Variants in KPNA3 observed in about 807,000 individuals in gnomAD.
The protein encoded by KPNA3 is importin subunit alpha-4.
In KPNA3, 13 loss-of-function variants were observed where a neutral mutation model predicts 73.8. The ratio of observed to expected loss-of-function variants is 0.18; its 90% CI spans 0.11 to 0.28. KPNA3 has a LOEUF of 0.28. KPNA3 is among the 10% of genes least tolerant of loss of function. KPNA3 has a pLI of 1.00. For synonymous variants in KPNA3, 186 were observed against 206.9 expected, an observed-to-expected ratio of 0.90 and a Z score of 0.87; for missense variants, 360 against 618.1, an observed-to-expected ratio of 0.58 and a Z score of 4.43.
Position 49,788,741 on chromosome 13 carries a change from A to ATTTT in KPNA3, c.69+3696_69+3697insAAAA, listed in dbSNP as rs1222157637. On this transcript the variant is annotated intron_variant, in intron 1 of 16. Coordinates refer to ENST00000261667, the MANE Select transcript of KPNA3 (RefSeq NM_002267.4). ...TCTTTTTTTTTTTTTTTTTTTTTAAAAAAAAAAAGCACATTCCAGAACAAA... is the reference window on the plus strand; with the variant it reads ...TCTTTTTTTTTTTTTTTTTTTTTAAATTTTAAAAAAAAGCACATTCCAGAACAAA... Among the ~76,000 whole-genome samples the ATTTT allele has an allele frequency of 0.04, 4,929 of 122,882 alleles. 367 individuals are homozygous for ATTTT. The East Asian group carries it at 0.44, about 11-fold the overall frequency. The allele number at this position is 122,882 out of a possible 152,430, so 80.6% of individuals were successfully genotyped here.
intron 10 of KPNA3, among the ~76,000 whole-genome samples, chr13:49,715,570 T>C (rs1361700636): frequency 6.6e-6 from 1 of 151,974 alleles, no homozygotes; most frequent in Non-Finnish European, 1.5e-5. Flanking sequence ...CACTACATAA[T>C]AGATAAAGGA....
intron 6 of KPNA3, among the ~76,000 whole-genome samples, chr13:49,727,468 GA>G (rs919174011): frequency 4.7e-5 from 7 of 148,338 alleles, no homozygotes; most frequent in African/African-American, 1.7e-4. Context: ...AAAAAAGAAA[GA>G]AAAAAGAGAA....
intron 1 of KPNA3, among the ~76,000 whole-genome samples, chr13:49,789,605 T>G (rs928583017): frequency 6.6e-6 from 1 of 152,242 alleles, no homozygotes; most frequent in Non-Finnish European, 1.5e-5. Context: ...CTCACTGTTT[T>G]GGAACAGCCT....
chr13:49,718,837 T>C (rs975600430), intron 10 of KPNA3, among the ~76,000 whole-genome samples: 2 of 152,206 alleles, frequency 1.3e-5, no homozygotes, highest in African/African-American at 4.8e-5. Context: ...ACAATTTTTA[T>C]ATACAAATTA....
At chr13:49,747,896 T>C (rs907722832) in intron 1 of KPNA3, among the ~76,000 whole-genome samples, 4 of 152,152 alleles carry the variant, frequency 2.6e-5, no homozygotes, top group Non-Finnish European at 5.9e-5. Flanking sequence ...ATCCTTCCCA[T>C]CCTGTAGTCT....
intron 1 of KPNA3, among the ~76,000 whole-genome samples, chr13:49,783,330 A>G (rs1954956177): frequency 6.6e-6 from 1 of 152,194 alleles, no homozygotes; most frequent in Non-Finnish European, 1.5e-5. Context: ...ATGCTGTAAG[A>G]AAATTTTTCT....
chr13:49,750,654 A>C (rs1228436600), intron 1 of KPNA3, among the ~76,000 whole-genome samples: 1 of 151,924 alleles, frequency 6.6e-6, no homozygotes, highest in African/African-American at 2.4e-5. Flanking sequence ...AAGGTTTGCC[A>C]GCACCTGGTC....
intron 12 of KPNA3, among the ~76,000 whole-genome samples, chr13:49,708,302 C>A (rs949915952): frequency 6.6e-6 from 1 of 151,790 alleles, no homozygotes; most frequent in South Asian, 2.1e-4. Context: ...GCCAACTAAA[C>A]GTAAATTTAA....
intron 2 of KPNA3, among the ~76,000 whole-genome samples, chr13:49,735,974 C>A (rs1324213700): frequency 6.6e-6 from 1 of 152,170 alleles, no homozygotes; most frequent in African/African-American, 2.4e-5. Flanking sequence ...CAATTCTATA[C>A]CTAAACTTGT....
chr13:49,741,655 C>T (rs1326436892), intron 2 of KPNA3, among the ~76,000 whole-genome samples: 2 of 152,082 alleles, frequency 1.3e-5, no homozygotes, highest in Non-Finnish European at 2.9e-5. Context: ...GGGTTTCACC[C>T]GTGTTACCCA....
Position 49,768,515 on chromosome 13 carries a change from C to T in KPNA3, c.70-21522G>A, listed in dbSNP as rs896037387. On this transcript the variant is annotated intron_variant, in intron 1 of 16. Coordinates refer to ENST00000261667, the MANE Select transcript of KPNA3 (RefSeq NM_002267.4). The stretch of plus-strand genomic sequence containing the variant: ...ATGGTATTTTTGTTTTTGATCATCT[C>T]GTTTGTTTTTTATTTCTCTTCCTGC... Among the ~76,000 whole-genome samples, 4 of 140,186 alleles carry T rather than the reference C, an allele frequency of 2.9e-5. No individual in the cohort carries two copies. The South Asian group carries it at 6.7e-4, about 24-fold the overall frequency. 92.0% of individuals were successfully genotyped at this position (140,186 alleles called of 152,430 possible). A position where few individuals can be genotyped will look rare whatever the true frequency, so the allele number is the denominator to read the frequency against.
chr13:49,721,855 A>T, intron 9 of KPNA3, 100 bp downstream of exon 9: 1 of 765,258 alleles, frequency 1.3e-6, no homozygotes, highest in Non-Finnish European at 1.9e-6. Flanking sequence ...CACACCTGCA[A>T]TGAAATCAGT....
At chr13:49,740,168 G>T (rs1023989535) in intron 2 of KPNA3, among the ~76,000 whole-genome samples, 1 of 151,706 alleles carries the variant, frequency 6.6e-6, no homozygotes, top group African/African-American at 2.4e-5. Context: ...AATTGCTTGA[G>T]CCTGGGAGGC....
chr13:49,721,423 C>CA (rs1398456635), intron 9 of KPNA3, among the ~76,000 whole-genome samples: 5 of 151,834 alleles, frequency 3.3e-5, no homozygotes, highest in Non-Finnish European at 5.9e-5. Flanking sequence ...TGCAGATAAT[C>CA]AAAAAAATAG....
chr13:49,730,881 A>C (rs1262782278), intron 6 of KPNA3, among the ~76,000 whole-genome samples: 3 of 149,044 alleles, frequency 2.0e-5, no homozygotes, highest in African/African-American at 7.4e-5. Context: ...GGTTCACACC[A>C]TTCTCCTGCC....
chr13:49,762,078 C>G (rs553761330), intron 1 of KPNA3, among the ~76,000 whole-genome samples: 2 of 151,786 alleles, frequency 1.3e-5, no homozygotes, highest in South Asian at 4.2e-4. Flanking sequence ...AGCATCTCCG[C>G]CCGGCAGACG....
chr13:49,720,883 AAT>A (rs1954350280), intron 9 of KPNA3, among the ~76,000 whole-genome samples: 1 of 152,122 alleles, frequency 6.6e-6, no homozygotes, highest in Non-Finnish European at 1.5e-5. Flanking sequence ...TTTAACAAAA[AAT>A]ATGTCACACT....
At chr13:49,762,038 C>A (rs1259724526) in intron 1 of KPNA3, among the ~76,000 whole-genome samples, 1 of 152,070 alleles carries the variant, frequency 6.6e-6, no homozygotes, top group Non-Finnish European at 1.5e-5. Flanking sequence ...AGCCCCTCCG[C>A]CCGGCAGCCG....
intron 2 of KPNA3, among the ~76,000 whole-genome samples, chr13:49,742,522 T>C (rs1307262822): frequency 6.6e-6 from 1 of 152,184 alleles, no homozygotes; most frequent in African/African-American, 2.4e-5. Flanking sequence ...GGCTTTGCAG[T>C]AGATTTTCAT....
Sources: gnomAD v4.1 joint callset for allele counts (sites outside exome capture counted in the v4.1 genomes callset) on GRCh38, gnomAD v4.1.1 for gene constraint, MANE v1.5 for transcripts, NCBI Gene and HGNC (gene_info 2026-07-23, HGNC 2026-07-21) for gene names.